Variants in SVEP1 observed in about 807,000 individuals in gnomAD.
SVEP1 encodes sushi, von Willebrand factor type A, EGF and pentraxin domain-containing protein 1.
In SVEP1, 164 loss-of-function variants were observed where a neutral mutation model predicts 367.3. That is an observed-to-expected ratio of 0.45 (90% CI 0.39 to 0.51). The LOEUF (loss-of-function observed/expected upper bound fraction) is 0.51, where lower values mean the gene tolerates loss of function less well. SVEP1 is among the 20% of genes least tolerant of loss of function. The probability of loss-of-function intolerance (pLI) is 0.00; values close to 1 mark genes in which losing one functional copy is unlikely to be tolerated. For synonymous variants in SVEP1, 1,666 were observed against 1,611.6 expected, an observed-to-expected ratio of 1.03 and a Z score of -0.81; for missense variants, 4,117 against 4,425.3, an observed-to-expected ratio of 0.93 and a Z score of 1.98.
intron 24 of SVEP1, 66 bp downstream of exon 24, chr9:110,449,993 G>A (rs1828667035): frequency 1.3e-6 from 2 of 1,556,458 alleles, no homozygotes; most frequent in Admixed American, 1.7e-5. Flanking sequence ...ACTCCATAAA[G>A]GCTGCAGAAT....
chr9:110,452,195 A>G (rs1328953541), intron 22 of SVEP1, among the ~76,000 whole-genome samples: 1 of 152,244 alleles, frequency 6.6e-6, no homozygotes, highest in Non-Finnish European at 1.5e-5. Context: ...TAAAATCTAC[A>G]CTTTCATACA....
chr9:110,455,634 T>C lies in SVEP1; in HGVS notation c.3743A>G (p.Asp1248Gly). The C allele has an allele frequency of 6.2e-7, 1 of 1,613,620 alleles. No individual in the cohort carries two copies. Among genetic ancestry groups the C allele is most frequent in the Non-Finnish European group, 8.5e-7 (1 of 1,179,684 alleles). ...LPCLNNGVCK[D>G]LVGEFICECP... ...CTCACAAATGAATTCCCCAACTAGGTCTTTACAAACTCCATTGTTGAGGCA... is the reference window on the plus strand; with the variant it reads ...CTCACAAATGAATTCCCCAACTAGGCCTTTACAAACTCCATTGTTGAGGCA... Residue 1248 changes from aspartate (D) to glycine (G), a missense_variant, in exon 22 of 48, where the codon GAC (aspartate) becomes GGC (glycine). Physicochemically the swap from Asp to Gly is moderately conservative, Grantham distance 94 (BLOSUM62 -1). Around this residue, in one of 4 missense-constraint regions of SVEP1, gnomAD observed 2,174 missense variants for 2,494.3 expected, o/e 0.87. Transcript: ENST00000374469.
At chr9:110,544,694 C>T (rs1225670621) in intron 3 of SVEP1, among the ~76,000 whole-genome samples, 3 of 152,084 alleles carry the variant, frequency 2.0e-5, no homozygotes, top group African/African-American at 7.2e-5. Context: ...ATTTTAAAAA[C>T]ATGTATATAA....
intron 38 of SVEP1, among the ~76,000 whole-genome samples, chr9:110,405,091 A>T (rs1276441128): frequency 6.6e-6 from 1 of 152,168 alleles, no homozygotes; most frequent in East Asian, 1.9e-4. Context: ...ATGAAAAGTT[A>T]ATCAAGACTA....
chr9:110,391,979 C>T (rs1378141160), intron 40 of SVEP1, among the ~76,000 whole-genome samples: 1 of 151,826 alleles, frequency 6.6e-6, no homozygotes, highest in Non-Finnish European at 1.5e-5. Context: ...TCATCTCCTC[C>T]TCTATCTTCA....
intron 8 of SVEP1, among the ~76,000 whole-genome samples, chr9:110,493,819 G>A (rs911637070): frequency 6.6e-6 from 1 of 152,164 alleles, no homozygotes; most frequent in African/African-American, 2.4e-5. Flanking sequence ...ACACTGATGG[G>A]TCTTACAGGG....
chr9:110,459,738 T>C (rs1234841558), intron 18 of SVEP1, among the ~76,000 whole-genome samples: 1 of 152,146 alleles, frequency 6.6e-6, no homozygotes, highest in Non-Finnish European at 1.5e-5. Context: ...TAGTAGTGTA[T>C]GAAATCACTC....
At chr9:110,387,624 G>GTATTGGAT (rs1182314967) in intron 41 of SVEP1, among the ~76,000 whole-genome samples, 166 bp from the exon 42 acceptor site, 2 of 152,150 alleles carry the variant, frequency 1.3e-5, no homozygotes, top group Admixed American at 6.5e-5. Flanking sequence ...GCATACCTAA[G>GTATTGGAT]TATTGGATTA....
chr9:110,545,231 T>C (rs1830205323), intron 3 of SVEP1, among the ~76,000 whole-genome samples: 1 of 152,250 alleles, frequency 6.6e-6, no homozygotes, highest in Non-Finnish European at 1.5e-5. Flanking sequence ...GAAACATGCA[T>C]ATGCAAATAT....
chr9:110,523,533 T>C (rs10980426), intron 3 of SVEP1, among the ~76,000 whole-genome samples: 20,477 of 152,100 alleles, frequency 0.13, 1,750 homozygotes, highest in East Asian at 0.36. Flanking sequence ...CAAATATAAG[T>C]AGTCTAACTA....
chr9:110,367,143 G>T (rs1827213157), intron 47 of SVEP1, among the ~76,000 whole-genome samples: 1 of 152,166 alleles, frequency 6.6e-6, no homozygotes, highest in Non-Finnish European at 1.5e-5. Context: ...CGACTTTTGT[G>T]CCTGTACAAG....
chr9:110,430,574 G>T, intron 32 of SVEP1, 124 bp from the exon 33 acceptor site: 1 of 974,774 alleles, frequency 1.0e-6, no homozygotes, highest in Non-Finnish European at 1.5e-6. Context: ...ACCTCGTGAA[G>T]GGAAATGCAT....
At chr9:110,524,658 A>T (rs561472225) in intron 3 of SVEP1, among the ~76,000 whole-genome samples, 1 of 152,150 alleles carries the variant, frequency 6.6e-6, no homozygotes, top group African/African-American at 2.4e-5. Context: ...ACAGAAGAGA[A>T]TTTACTCAAC....
At chr9:110,558,716 CAT>C (rs1386535951) in intron 1 of SVEP1, among the ~76,000 whole-genome samples, 2 of 151,954 alleles carry the variant, frequency 1.3e-5, no homozygotes, top group Non-Finnish European at 2.9e-5. Context: ...CCACATTGCT[CAT>C]AGTGAGATAA....
Position 110,546,306 on chromosome 9 carries a change from T to C in SVEP1, c.788-15A>G, listed in dbSNP as rs1830220405. 3 of 1,571,120 alleles carry C rather than the reference T, an allele frequency of 1.9e-6. No individual in the cohort carries two copies. Among genetic ancestry groups the C allele is most frequent in the Non-Finnish European group, 2.6e-6 (3 of 1,156,370 alleles). On this transcript the variant is annotated splice_polypyrimidine_tract_variant and intron_variant, in intron 2 of 47. Transcript: ENST00000374469. Reference sequence around the variant, plus strand: ...AGAAGGTAGATCTACAAATAACATATGACAGAGGGCGATAAAAATGAGTCA... The same window carrying C: ...AGAAGGTAGATCTACAAATAACATACGACAGAGGGCGATAAAAATGAGTCA...
intron 3 of SVEP1, among the ~76,000 whole-genome samples, chr9:110,515,589 C>G (rs1413642654): frequency 1.3e-5 from 2 of 152,130 alleles, no homozygotes; most frequent in Non-Finnish European, 1.5e-5. Flanking sequence ...CGTGAGCCAC[C>G]GCGCCCGGCC....
chr9:110,539,190 A>C (rs1230796356), intron 3 of SVEP1, among the ~76,000 whole-genome samples: 1 of 152,112 alleles, frequency 6.6e-6, no homozygotes, highest in Non-Finnish European at 1.5e-5. Context: ...CGAATTAGAA[A>C]GTCACTGCCT....
chr9:110,517,400 C>A (rs1829818529), intron 3 of SVEP1, among the ~76,000 whole-genome samples: 1 of 151,966 alleles, frequency 6.6e-6, no homozygotes, highest in Non-Finnish European at 1.5e-5. Flanking sequence ...GAGTTCAAGA[C>A]TGCCCTGGCC....
chr9:110,546,048 C>A, intron 3 of SVEP1, 67 bp downstream of exon 3: 1 of 1,511,762 alleles, frequency 6.6e-7, no homozygotes, highest in Non-Finnish European at 8.9e-7. Context: ...TTCCTTATAG[C>A]CATTGCATTT....
Sources: allele counts gnomAD v4.1 joint callset (sites outside exome capture counted in the v4.1 genomes callset), GRCh38; gene constraint gnomAD v4.1.1; regional missense constraint gnomAD v4.1.1; transcripts MANE v1.5; gene names NCBI Gene and HGNC (gene_info 2026-07-23, HGNC 2026-07-21).